CCSER1: variants seen among roughly 807,000 people sequenced by gnomAD.
CCSER1 encodes the protein coiled-coil serine rich protein 1, also known as serine-rich coiled-coil domain-containing protein 1.
In CCSER1, 41 loss-of-function variants were observed where a neutral mutation model predicts 82.0. That is an observed-to-expected ratio of 0.50 (90% confidence interval 0.39 to 0.65). The LOEUF is 0.65. Among genes scored for constraint, CCSER1 ranks in the 30% least tolerant of loss-of-function variants. The probability of loss-of-function intolerance (pLI) is 0.00; values close to 1 mark genes in which losing one functional copy is unlikely to be tolerated. For missense variants in CCSER1, 1,119 were observed against 1,064.2 expected, an observed-to-expected ratio of 1.05 and a Z score of -0.72; for synonymous variants, 414 against 383.9, an observed-to-expected ratio of 1.08 and a Z score of -0.92.
chr4:90,767,032 A>C (rs2149544101), intron 7 of CCSER1, among the ~76,000 whole-genome samples: 1 of 152,336 alleles, frequency 6.6e-6, no homozygotes, highest in Non-Finnish European at 1.5e-5. Flanking sequence ...ATCTGATGAA[A>C]GAACAGTGCC....
rs113241508 is a variant in CCSER1 at position 90,759,569 on chromosome 4, C to A, written c.2010+35578C>A. ...GTAAATTTCTATGTTGTTATTGTTG[C>A]ACCATGGCCAATTTCAAGCTACCAA... On this transcript the variant is annotated intron_variant, in intron 7 of 10. Transcript: ENST00000509176. 1.4e-3 allele frequency among the ~76,000 whole-genome samples: 215 copies of A among 152,200 alleles called. 1 individual carries two copies. The highest frequency in any genetic ancestry group is 6.8e-3 in the Middle Eastern group (2 of 294).
chr4:90,817,428 T>C (rs1759163059), intron 8 of CCSER1, among the ~76,000 whole-genome samples: 1 of 151,842 alleles, frequency 6.6e-6, no homozygotes, highest in African/African-American at 2.4e-5. Context: ...ATGATTACTT[T>C]CAAAGACAGT....
chr4:90,770,819 TGA>T (rs765873080), intron 7 of CCSER1, among the ~76,000 whole-genome samples: 3 of 152,184 alleles, frequency 2.0e-5, no homozygotes, highest in Non-Finnish European at 4.4e-5. Context: ...CTAAAATCAT[TGA>T]GTTACTTATA....
chr4:91,511,552 A>C lies in CCSER1; in HGVS notation c.2218-87020A>C, dbSNP rs529064275. ...CCACACAGCAGGAGGTGAGCAAGGG[A>C]AGATTCATCTGTTTTTACAGCCACT... is the stretch of plus-strand genomic sequence containing the variant. On this transcript the variant is annotated intron_variant, in intron 10 of 10. Coordinates refer to ENST00000509176, the MANE Select transcript of CCSER1 (RefSeq NM_001145065.2). Among the ~76,000 whole-genome samples the C allele has an allele frequency of 5.9e-5, 9 of 152,246 alleles. No individual in the cohort carries two copies. In the East Asian group the frequency reaches 1.7e-3, roughly 29 times the overall value.
intron 4 of CCSER1, among the ~76,000 whole-genome samples, chr4:90,452,680 G>A (rs1761620263): frequency 1.3e-5 from 2 of 152,198 alleles, no homozygotes; most frequent in African/African-American, 2.4e-5. Context: ...GGTACCTCAA[G>A]CAAGATTTGT....
At chr4:90,925,308 C>T (rs1728923324) in intron 9 of CCSER1, among the ~76,000 whole-genome samples, 1 of 152,024 alleles carries the variant, frequency 6.6e-6, no homozygotes, top group Admixed American at 6.6e-5. Context: ...TACTACATGA[C>T]GTTTGTTGGG....
chr4:90,604,492 G>C (rs1784385445), intron 5 of CCSER1, among the ~76,000 whole-genome samples: 1 of 152,118 alleles, frequency 6.6e-6, no homozygotes, highest in Non-Finnish European at 1.5e-5. Flanking sequence ...AACATGCTTG[G>C]CAAGTTTGTT....
At chr4:90,623,188 C>T (rs539057629) in intron 5 of CCSER1, among the ~76,000 whole-genome samples, 65 of 149,414 alleles carry the variant, frequency 4.4e-4, no homozygotes, top group South Asian at 3.4e-3. Context: ...CCACCACTCC[C>T]GGCTAATTAT....
intron 6 of CCSER1, among the ~76,000 whole-genome samples, chr4:90,646,700 C>A (rs1727670319): frequency 6.6e-6 from 1 of 152,126 alleles, no homozygotes; most frequent in Admixed American, 6.5e-5. Flanking sequence ...TGACTTTGAC[C>A]TTTCCTGTGT....
intron 9 of CCSER1, among the ~76,000 whole-genome samples, chr4:91,022,709 G>C (rs1740108662): frequency 1.3e-5 from 2 of 152,098 alleles, no homozygotes; most frequent in Admixed American, 6.6e-5. Context: ...ATTCTAACTG[G>C]TGTGAAATGA....
rs1359917364 is a variant in CCSER1 at position 91,347,693 on chromosome 4, ATATATT to A, written c.2218-250873_2218-250868del. On this transcript the variant is annotated intron_variant, in intron 10 of 10. Transcript: ENST00000509176. ...TCATACAGATTTTATACTTATTTTG[ATATATT>A]TATATCTAAGTATTCAATTTTTGAG... Among the ~76,000 whole-genome samples, 3 of 151,900 alleles carry A rather than the reference ATATATT, an allele frequency of 2.0e-5. No homozygotes were observed. The East Asian group carries it at 5.8e-4, about 29-fold the overall frequency.
At chr4:91,449,991 C>T (rs1294896303) in intron 10 of CCSER1, among the ~76,000 whole-genome samples, 2 of 151,936 alleles carry the variant, frequency 1.3e-5, no homozygotes, top group African/African-American at 2.4e-5. Context: ...ATGTTTTGTT[C>T]TTCTCAGACT....
At chr4:90,515,992 G>T (rs1772211141) in intron 5 of CCSER1, among the ~76,000 whole-genome samples, 1 of 150,198 alleles carries the variant, frequency 6.7e-6, no homozygotes, top group African/African-American at 2.5e-5. Context: ...TAATAAAACA[G>T]AAATGGCTTC....
intron 10 of CCSER1, among the ~76,000 whole-genome samples, chr4:91,136,110 G>C (rs770496295): frequency 6.6e-6 from 1 of 152,042 alleles, no homozygotes; most frequent in Non-Finnish European, 1.5e-5. Flanking sequence ...CAAATGTTTT[G>C]TCATCCAAAA....
chr4:91,525,702 G>C (rs900972932), intron 10 of CCSER1, among the ~76,000 whole-genome samples: 1 of 151,936 alleles, frequency 6.6e-6, no homozygotes, highest in African/African-American at 2.4e-5. Flanking sequence ...ATCTGTCTCA[G>C]AACTCTTTTC....
At chr4:90,242,430 C>G (rs1249236988) in intron 1 of CCSER1, among the ~76,000 whole-genome samples, 1 of 152,066 alleles carries the variant, frequency 6.6e-6, no homozygotes, top group African/African-American at 2.4e-5. Flanking sequence ...ATTTTTTATA[C>G]TATAGTACGA....
chr4:91,131,273 G>A (rs1227018857), intron 10 of CCSER1, among the ~76,000 whole-genome samples: 2 of 149,340 alleles, frequency 1.3e-5, no homozygotes, highest in Non-Finnish European at 3.0e-5. Context: ...TAAGGGTGAT[G>A]TACTGTCTTT....
At chr4:90,968,735 A>G (rs2150393132) in intron 9 of CCSER1, among the ~76,000 whole-genome samples, 2 of 152,192 alleles carry the variant, frequency 1.3e-5, no homozygotes, top group Middle Eastern at 6.8e-3. Context: ...TCTTCACCAA[A>G]TGAAAAGACT....
At chr4:91,250,925 A>T (rs184242846) in intron 10 of CCSER1, among the ~76,000 whole-genome samples, 243 of 152,290 alleles carry the variant, frequency 1.6e-3, no homozygotes, top group Non-Finnish European at 2.4e-3. Context: ...ATAAAAATAT[A>T]TAATATCTCA....
Sources: gnomAD v4.1 joint callset for allele counts (sites outside exome capture counted in the v4.1 genomes callset) on GRCh38, gnomAD v4.1.1 for gene constraint, MANE v1.5 for transcripts, NCBI Gene and HGNC (gene_info 2026-07-23, HGNC 2026-07-21) for gene names.